AEBP2: variants seen among roughly 807,000 people sequenced by gnomAD.
AEBP2 encodes zinc finger protein AEBP2.
AEBP2 carries 10 observed loss-of-function variants against 50.8 expected under a neutral mutation model. The observed-to-expected ratio is 0.20, with a 90% CI of 0.12 to 0.33. AEBP2 has a LOEUF of 0.33. AEBP2 is among the 10% of genes least tolerant of loss of function. The pLI, the probability that AEBP2 is intolerant of heterozygous loss-of-function variation, is 1.00. For synonymous variants in AEBP2, 296 were observed against 261.3 expected, an observed-to-expected ratio of 1.13 and a Z score of -1.28; for missense variants, 570 against 688.0, an observed-to-expected ratio of 0.83 and a Z score of 1.92.
chr12:19,476,477 G>A (rs1264383761), intron 3 of AEBP2, among the ~76,000 whole-genome samples: 1 of 152,058 alleles, frequency 6.6e-6, no homozygotes, highest in Non-Finnish European at 1.5e-5. Flanking sequence ...GAGTAGCTGG[G>A]ATTACAGGTG....
intron 1 of AEBP2, among the ~76,000 whole-genome samples, chr12:19,446,470 C>T (rs538475064): frequency 1.3e-5 from 2 of 152,120 alleles, no homozygotes; most frequent in Non-Finnish European, 2.9e-5. Flanking sequence ...TAGCTCACGC[C>T]TGTAATCCCA....
At chr12:19,406,202 G>C (rs2095736192) in intron 1 of AEBP2, among the ~76,000 whole-genome samples, 1 of 151,898 alleles carries the variant, frequency 6.6e-6, no homozygotes, top group African/African-American at 2.4e-5. Flanking sequence ...CTGACCTCAA[G>C]TGATCCACTG....
intron 1 of AEBP2, among the ~76,000 whole-genome samples, chr12:19,416,236 A>G (rs2095742514): frequency 6.6e-6 from 1 of 152,160 alleles, no homozygotes; most frequent in African/African-American, 2.4e-5. Flanking sequence ...GTATCTGCCA[A>G]ACAGAATTTA....
chr12:19,479,496 A>G (rs1231278449), intron 3 of AEBP2, among the ~76,000 whole-genome samples: 4 of 151,966 alleles, frequency 2.6e-5, no homozygotes, highest in Non-Finnish European at 5.9e-5. Context: ...GCACACAGTC[A>G]TCAGGTTATC....
At chr12:19,474,180 G>A (rs1948614576) in intron 3 of AEBP2, among the ~76,000 whole-genome samples, 2 of 152,116 alleles carry the variant, frequency 1.3e-5, no homozygotes, top group Admixed American at 1.3e-4. Context: ...TTTATAAAGA[G>A]CAAGTTTCTG....
intron 1 of AEBP2, among the ~76,000 whole-genome samples, chr12:19,459,490 C>G (rs937290578): frequency 1.4e-4 from 21 of 152,288 alleles, no homozygotes; most frequent in African/African-American, 5.1e-4. Flanking sequence ...CTCAGCCTCC[C>G]AAACTGCTGG....
intron 4 of AEBP2, among the ~76,000 whole-genome samples, chr12:19,499,615 TA>T (rs59023233): frequency 4.3e-4 from 63 of 146,108 alleles, no homozygotes; most frequent in Middle Eastern, 3.5e-3. Context: ...CTCTGTCTCT[TA>T]AAAAAAAAAA....
At chr12:19,485,551 A>T (rs763131960) in intron 3 of AEBP2, among the ~76,000 whole-genome samples, 4 of 151,894 alleles carry the variant, frequency 2.6e-5, no homozygotes, top group African/African-American at 7.3e-5. Context: ...TACAAAAAAA[A>T]TACAAAAATT....
chr12:19,431,086 A>G (rs1020217439), intron 1 of AEBP2, among the ~76,000 whole-genome samples: 4 of 152,090 alleles, frequency 2.6e-5, no homozygotes, highest in African/African-American at 9.7e-5. Context: ...GACAAAATAG[A>G]TATACAGGCA....
intron 2 of AEBP2, among the ~76,000 whole-genome samples, chr12:19,463,134 A>G (rs907962389): frequency 1.3e-5 from 2 of 152,166 alleles, no homozygotes; most frequent in Non-Finnish European, 2.9e-5. Context: ...AGTGTATGCA[A>G]TTCTATTAAA....
At chr12:19,436,637 G>A (rs1264714907), upstream of AEBP2, among the ~76,000 whole-genome samples, 3 of 149,774 alleles carry the variant, frequency 2.0e-5, no homozygotes, top group Admixed American at 6.7e-5. Flanking sequence ...CCAAACTGGA[G>A]TGCAATGGCT....
intron 3 of AEBP2, among the ~76,000 whole-genome samples, chr12:19,486,437 G>A (rs2120389824): frequency 6.6e-6 from 1 of 152,050 alleles, no homozygotes; most frequent in African/African-American, 2.4e-5. Flanking sequence ...TGTCACCAAT[G>A]TTGGAGTACA....
intron 3 of AEBP2, among the ~76,000 whole-genome samples, chr12:19,488,132 T>TA (rs1425456696): frequency 6.6e-6 from 1 of 151,692 alleles, no homozygotes; most frequent in East Asian, 1.9e-4. Flanking sequence ...TTAAATTTTT[T>TA]TTTTTTTTTG....
chr12:19,501,467 T>G lies in AEBP2; in HGVS notation c.1299+1246T>G, dbSNP rs777637771. 4.9e-4 allele frequency among the ~76,000 whole-genome samples: 75 copies of G among 151,968 alleles called. 2 individuals are homozygous for G. Among genetic ancestry groups the G allele is most frequent in the Non-Finnish European group, 1.3e-4 (9 of 68,000 alleles). On this transcript the variant is annotated intron_variant, in intron 5 of 7. Coordinates refer to ENST00000266508, the MANE Select transcript of AEBP2 (RefSeq NM_153207.5). ...CTGGATAATATGGCAAATCCCTGTC[T>G]CTACAAAAACATGCAAAAAATTAGC... is the stretch of plus-strand genomic sequence containing the variant.
At chr12:19,417,861 C>T (rs1451882663) in intron 1 of AEBP2, among the ~76,000 whole-genome samples, 1 of 151,788 alleles carries the variant, frequency 6.6e-6, no homozygotes, top group African/African-American at 2.4e-5. Flanking sequence ...TGTGCCACCA[C>T]GCCCAGCTAT....
At chr12:19,473,396 T>A (rs12818887) in intron 3 of AEBP2, 41 bp downstream of exon 3, 259,820 of 580,280 alleles carry the variant, frequency 0.45, 61,438 homozygotes, top group African/African-American at 0.57. Context: ...TTTATTTATT[T>A]ATTTATTTAT....
Position 19,440,354 on chromosome 12 carries a change from A to C in AEBP2, c.655A>C (p.Met219Leu). Residue 219 changes from methionine (M) to leucine (L), a missense_variant, in exon 1 of 8, where the codon ATG becomes CTG. This residue lies in a region of AEBP2 where 386 missense variants were observed against 336.8 expected (regional missense o/e 1.15). Coordinates refer to ENST00000266508, the MANE Select transcript of AEBP2 (RefSeq NM_153207.5). ...MSSDGEPLSR[M>L]DSEDSISSTI... is the part of the protein sequence containing the mutation. ...GTCGGATGGGGAACCCCTGAGCCGC[A>C]TGGACTCGGAGGACAGGTCAGTGCT... 1 of 1,468,810 alleles carries C rather than the reference A, an allele frequency of 6.8e-7. No homozygotes were observed. The highest frequency in any genetic ancestry group is 8.9e-7 in the Non-Finnish European group (1 of 1,117,622). 91.0% of individuals were successfully genotyped at this position (1,468,810 alleles called of 1,614,324 possible).
chr12:19,436,186 C>T (rs1200753165), upstream of AEBP2, among the ~76,000 whole-genome samples: 1 of 152,180 alleles, frequency 6.6e-6, no homozygotes, highest in Non-Finnish European at 1.5e-5. Flanking sequence ...AATTATAATA[C>T]ATTAGCATGC....
intron 7 of AEBP2, among the ~76,000 whole-genome samples, chr12:19,516,812 A>G (rs1949325976): frequency 6.6e-6 from 1 of 152,158 alleles, no homozygotes; most frequent in African/African-American, 2.4e-5. Flanking sequence ...GGATCACTTG[A>G]GGCCAGGAGT....
Sources: gnomAD v4.1 joint callset for allele counts (sites outside exome capture counted in the v4.1 genomes callset) on GRCh38, gnomAD v4.1.1 for gene constraint, gnomAD v4.1.1 regional missense constraint, MANE v1.5 for transcripts, NCBI Gene and HGNC (gene_info 2026-07-23, HGNC 2026-07-21) for gene names.